GIGYF2: variants seen among roughly 807,000 people sequenced by gnomAD.
The protein encoded by GIGYF2 is GRB10-interacting GYF protein 2.
A neutral mutation model predicts 208.1 loss-of-function variants in GIGYF2; 25 were observed. The ratio of observed to expected loss-of-function variants is 0.12; its 90% CI spans 0.09 to 0.17. The LOEUF (loss-of-function observed/expected upper bound fraction) is 0.17, where lower values mean the gene tolerates loss of function less well. Ranked by LOEUF, GIGYF2 falls within the 10% of genes least tolerant of loss-of-function variation. The probability of loss-of-function intolerance (pLI) is 1.00; values close to 1 mark genes in which losing one functional copy is unlikely to be tolerated. For synonymous variants in GIGYF2, 534 were observed against 543.8 expected, an observed-to-expected ratio of 0.98 and a Z score of 0.25; for missense variants, 1,302 against 1,579.4, an observed-to-expected ratio of 0.82 and a Z score of 2.98.
intron 8 of GIGYF2, among the ~76,000 whole-genome samples, chr2:232,780,780 T>TA (rs1459548266): frequency 2.0e-5 from 3 of 152,340 alleles, no homozygotes; most frequent in African/African-American, 7.2e-5. Context: ...GTGCTGACGT[T>TA]ACAGAAGGAG....
chr2:232,755,332 G>A (rs1370618075), intron 5 of GIGYF2, among the ~76,000 whole-genome samples: 3 of 152,054 alleles, frequency 2.0e-5, no homozygotes, highest in Non-Finnish European at 2.9e-5. Flanking sequence ...CACCGCGCCC[G>A]GCTAATTTTT....
chr2:232,814,837 T>G (rs900532160), intron 18 of GIGYF2, among the ~76,000 whole-genome samples: 2 of 152,204 alleles, frequency 1.3e-5, no homozygotes, highest in African/African-American at 4.8e-5. Flanking sequence ...TCAAGTTCCT[T>G]TAAAAATAGT....
Position 232,819,963 on chromosome 2 carries a change from A to G in GIGYF2, c.2507A>G (p.Gln836Arg). Residue 836 changes from glutamine to arginine, a missense_variant, in exon 21 of 29, where the codon CAG becomes CGG. Gln to Arg is a conservative substitution (Grantham distance 43). Around this residue, in one of 8 missense-constraint regions of GIGYF2, gnomAD observed 701 missense variants for 793.0 expected, o/e 0.88. Coordinates refer to ENST00000373563, the MANE Select transcript of GIGYF2 (RefSeq NM_001103146.3). ...AGAGAAGAGGAAGAAAGGCGGAAGC[A>G]GGAAGAATTGTTACGCAAACAGGTG... Reference protein sequence around the residue: ...RRREEEERRKQEELLRKQEEE... With the variant: ...RRREEEERRKREELLRKQEEE... 6.2e-7 allele frequency: 1 copy of G among 1,611,522 alleles called. No individual in the cohort carries two copies. Among genetic ancestry groups the G allele is most frequent in the Non-Finnish European group, 8.5e-7 (1 of 1,177,614 alleles).
intron 22 of GIGYF2, among the ~76,000 whole-genome samples, chr2:232,837,805 C>G (rs1701688475): frequency 6.6e-6 from 1 of 152,148 alleles, no homozygotes; most frequent in Non-Finnish European, 1.5e-5. Flanking sequence ...CCAGTTTTGC[C>G]AGGGAGCAGG....
At chr2:232,738,213 G>T (rs559065970) in intron 3 of GIGYF2, among the ~76,000 whole-genome samples, 1 of 151,892 alleles carries the variant, frequency 6.6e-6, no homozygotes, top group Non-Finnish European at 1.5e-5. Context: ...CACTGCGCCC[G>T]GCCAAGGCTT....
chr2:232,709,956 A>T (rs528707959), intron 2 of GIGYF2, among the ~76,000 whole-genome samples: 10 of 151,038 alleles, frequency 6.6e-5, no homozygotes, highest in South Asian at 2.1e-4. Flanking sequence ...ACAAAGTTAT[A>T]TATTTATTTA....
rs746371975 is a variant in GIGYF2, at chr2:232,856,869, C to G, written c.*9C>G. 1 of 1,595,050 alleles carries G rather than the reference C, an allele frequency of 6.3e-7. No individual in the cohort carries two copies. The highest frequency in any genetic ancestry group is 2.2e-5 in the East Asian group (1 of 44,812). On this transcript the variant is annotated 3_prime_UTR_variant, in exon 29 of 29. Transcript: ENST00000373563. ...CGTTGGATGACTACTGAGCACCTGC[C>G]AGTGGACTGGCCATCCCTCTCCTGT...
chr2:232,731,180 A>G (rs1697476906), intron 2 of GIGYF2: 1 of 152,186 alleles, frequency 6.6e-6, no homozygotes, highest in Admixed American at 6.5e-5. Context: ...TAGGAGCTCC[A>G]TCTGTATCAT....
intron 2 of GIGYF2, among the ~76,000 whole-genome samples, chr2:232,710,328 A>G (rs1429495784): frequency 1.3e-5 from 2 of 152,108 alleles, no homozygotes; most frequent in East Asian, 1.9e-4. Context: ...GCCTCAAGCA[A>G]TCCTCCCACC....
chr2:232,731,938 G>T (rs771526534), intron 2 of GIGYF2, among the ~76,000 whole-genome samples: 5 of 152,120 alleles, frequency 3.3e-5, no homozygotes, highest in East Asian at 3.9e-4. Context: ...ATTAAACAGT[G>T]TATCCTTCTA....
chr2:232,858,173 T>C lies in GIGYF2; in HGVS notation c.*1313T>C, dbSNP rs141933684. 2.2e-3 allele frequency: 482 copies of C among 222,346 alleles called. 1 individual carries two copies. Among genetic ancestry groups the C allele is most frequent in the African/African-American group, 0.011 (458 of 42,532 alleles). The allele number at this position is 222,346 out of a possible 1,614,324, so 13.8% of individuals were successfully genotyped here. ...CATCACCTGGAATTGCCACTCACAC[T>C]GGGTTGGAGTCATTGGGCAGCTGTG... On this transcript the variant is annotated 3_prime_UTR_variant, in exon 29 of 29. Coordinates refer to ENST00000373563, the MANE Select transcript of GIGYF2 (RefSeq NM_001103146.3).
chr2:232,730,182 AG>A, intron 2 of GIGYF2: 1 of 1,480,978 alleles, frequency 6.8e-7, no homozygotes, highest in Non-Finnish European at 9.4e-7. Context: ...AGGGCTTTTC[AG>A]GTCTCTGAAA....
intron 21 of GIGYF2, among the ~76,000 whole-genome samples, chr2:232,831,297 T>C (rs1480495728): frequency 6.6e-6 from 1 of 152,226 alleles, no homozygotes; most frequent in African/African-American, 2.4e-5. Flanking sequence ...CTTTTGCCTG[T>C]GTTCTAAATT....
At chr2:232,784,047 A>T (rs1446398268) in intron 8 of GIGYF2, among the ~76,000 whole-genome samples, 1 of 152,200 alleles carries the variant, frequency 6.6e-6, no homozygotes, top group Non-Finnish European at 1.5e-5. Flanking sequence ...AGTAACAATT[A>T]CATACAAGGA....
At chr2:232,803,254 A>G (rs1479498629) in intron 14 of GIGYF2, among the ~76,000 whole-genome samples, 2 of 152,184 alleles carry the variant, frequency 1.3e-5, no homozygotes, top group Non-Finnish European at 2.9e-5. Flanking sequence ...TGGTTTGTAC[A>G]TATTTTTTGT....
At chr2:232,818,984 T>C (rs1220531538) in intron 20 of GIGYF2, among the ~76,000 whole-genome samples, 2 of 152,108 alleles carry the variant, frequency 1.3e-5, no homozygotes, top group South Asian at 2.1e-4. Flanking sequence ...TTTTTTTCTT[T>C]TTCTTTTTTT....
intron 8 of GIGYF2, among the ~76,000 whole-genome samples, chr2:232,774,415 A>G (rs1699424819): frequency 6.6e-6 from 1 of 152,226 alleles, no homozygotes; most frequent in South Asian, 2.1e-4. Flanking sequence ...AGTCTGAATT[A>G]TTAGATAGTC....
In GIGYF2 at chr2:232,859,293, TTTTG is replaced by T. The variant is rs1292276529; in HGVS notation, c.*2438_*2441del. On this transcript the variant is annotated 3_prime_UTR_variant, in exon 29 of 29. Transcript: ENST00000373563. The stretch of plus-strand genomic sequence containing the variant: ...TTTTGTACCCTCTCTGCTTCCGGTT[TTTTG>T]TTTGGTTGGCTTTTTTGGAGATAGG... 2.0e-5 allele frequency: 3 copies of T among 152,156 alleles called. No individual in the cohort carries two copies. The highest frequency in any genetic ancestry group is 7.2e-5 in the African/African-American group (3 of 41,428). 9.4% of individuals were successfully genotyped at this position (152,156 alleles called of 1,614,324 possible).
intron 2 of GIGYF2, among the ~76,000 whole-genome samples, chr2:232,715,976 A>C (rs1384236459): frequency 2.0e-5 from 3 of 152,222 alleles, no homozygotes; most frequent in Admixed American, 6.5e-5. Context: ...GTTATAAAGT[A>C]ATTAAAGAAT....
Sources: allele counts gnomAD v4.1 joint callset (sites outside exome capture counted in the v4.1 genomes callset), GRCh38; gene constraint gnomAD v4.1.1; regional missense constraint gnomAD v4.1.1; transcripts MANE v1.5; gene names NCBI Gene and HGNC (gene_info 2026-07-23, HGNC 2026-07-21).